Variants in PHLPP1 observed in about 807,000 individuals in gnomAD.
The protein encoded by PHLPP1 is PH domain leucine-rich repeat-containing protein phosphatase 1.
PHLPP1 carries 42 observed loss-of-function variants against 117.2 expected under a neutral mutation model. The observed-to-expected ratio is 0.36, with a 90% confidence interval of 0.28 to 0.46. The LOEUF (loss-of-function observed/expected upper bound fraction) is 0.46. PHLPP1 is among the 20% of genes least tolerant of loss of function. PHLPP1 has a pLI of 1.00. For missense variants in PHLPP1, 2,084 were observed against 2,241.9 expected, an observed-to-expected ratio of 0.93 and a Z score of 1.42; for synonymous variants, 1,042 against 970.7, an observed-to-expected ratio of 1.07 and a Z score of -1.37.
chr18:62,790,004 G>A (rs1427907811), intron 1 of PHLPP1, among the ~76,000 whole-genome samples: 1 of 152,156 alleles, frequency 6.6e-6, no homozygotes, highest in Non-Finnish European at 1.5e-5. Flanking sequence ...TTGTGTGTGA[G>A]GCTAGTGATT....
At chr18:62,731,288 T>G (rs1911220288) in intron 1 of PHLPP1, 1 of 152,208 alleles carries the variant, frequency 6.6e-6, no homozygotes, top group African/African-American at 2.4e-5. Context: ...GCTAATTTTC[T>G]CTGTATCATT....
intron 4 of PHLPP1, among the ~76,000 whole-genome samples, chr18:62,891,664 C>A (rs1198679161): frequency 6.7e-6 from 1 of 148,400 alleles, no homozygotes; most frequent in Non-Finnish European, 1.5e-5. Context: ...CCAAGACAGG[C>A]AGATTGCTTG....
intron 1 of PHLPP1, among the ~76,000 whole-genome samples, chr18:62,782,133 A>G (rs529827152): frequency 3.9e-5 from 6 of 152,312 alleles, no homozygotes; most frequent in African/African-American, 1.4e-4. Flanking sequence ...TGTCTTTGTT[A>G]CATATTTACG....
At chr18:62,810,411 G>T (rs188541430) in intron 1 of PHLPP1, among the ~76,000 whole-genome samples, 1 of 152,166 alleles carries the variant, frequency 6.6e-6, no homozygotes, top group African/African-American at 2.4e-5. Flanking sequence ...TATCTTGGGA[G>T]AATTTGTTCC....
At chr18:62,922,472 T>C (rs915119166) in intron 10 of PHLPP1, among the ~76,000 whole-genome samples, 2 of 152,200 alleles carry the variant, frequency 1.3e-5, no homozygotes, top group Non-Finnish European at 2.9e-5. Flanking sequence ...CAAAGCACAG[T>C]GTGCAGAGAC....
intron 9 of PHLPP1, among the ~76,000 whole-genome samples, chr18:62,915,712 T>C (rs1405962285): frequency 1.3e-5 from 2 of 152,230 alleles, no homozygotes; most frequent in Non-Finnish European, 2.9e-5. Context: ...GTCTATCCAG[T>C]GCTGTCCTGT....
At chr18:62,740,423 A>G (rs1911490450) in intron 1 of PHLPP1, among the ~76,000 whole-genome samples, 1 of 152,204 alleles carries the variant, frequency 6.6e-6, no homozygotes, top group Non-Finnish European at 1.5e-5. Flanking sequence ...CTCATGGATT[A>G]AATCTGTTTA....
intron 15 of PHLPP1, among the ~76,000 whole-genome samples, chr18:62,974,232 A>G (rs1911128301): frequency 1.3e-5 from 2 of 152,174 alleles, no homozygotes; most frequent in Admixed American, 1.3e-4. Context: ...CAAATATCTG[A>G]AAGTTGGAGT....
At chr18:62,948,324 CA>C (rs1206430736) in intron 12 of PHLPP1, among the ~76,000 whole-genome samples, 4 of 144,734 alleles carry the variant, frequency 2.8e-5, no homozygotes, top group East Asian at 4.0e-4. Flanking sequence ...GACTTCATCT[CA>C]AAAAAAAAAG....
At chr18:62,935,111 T>A (rs79119969) in intron 10 of PHLPP1, among the ~76,000 whole-genome samples, 1 of 152,320 alleles carries the variant, frequency 6.6e-6, no homozygotes, top group East Asian at 1.9e-4. Context: ...GCAGTTAACA[T>A]GATAGTATAC....
chr18:62,916,807 G>A (rs1404068889), intron 9 of PHLPP1, among the ~76,000 whole-genome samples: 1 of 113,848 alleles, frequency 8.8e-6, no homozygotes, highest in African/African-American at 3.4e-5. Flanking sequence ...AGGCTGCAAT[G>A]CAGTGGTGCG....
intron 1 of PHLPP1, among the ~76,000 whole-genome samples, chr18:62,720,917 C>T (rs1213066211): frequency 6.6e-6 from 1 of 152,120 alleles, no homozygotes; most frequent in East Asian, 1.9e-4. Context: ...TGGCAATCCT[C>T]TTTTCAGATG....
At chr18:62,968,196 G>T (rs541496749) in intron 14 of PHLPP1, among the ~76,000 whole-genome samples, 43 of 152,258 alleles carry the variant, frequency 2.8e-4, no homozygotes, top group African/African-American at 1.0e-3. Context: ...ATATTCCATG[G>T]TGGATATTAG....
chr18:62,717,504 C>T (rs1201082557), intron 1 of PHLPP1, among the ~76,000 whole-genome samples: 1 of 152,154 alleles, frequency 6.6e-6, no homozygotes, highest in Non-Finnish European at 1.5e-5. Context: ...GTGGCTGAAT[C>T]ACCAGGAAGT....
At chr18:62,874,132 C>T (rs1471020147) in intron 4 of PHLPP1, among the ~76,000 whole-genome samples, 2 of 148,786 alleles carry the variant, frequency 1.3e-5, no homozygotes, top group African/African-American at 5.0e-5. Context: ...TGTGGTGAGC[C>T]GAGATCACGC....
intron 1 of PHLPP1, among the ~76,000 whole-genome samples, chr18:62,825,008 C>T (rs558848179): frequency 2.6e-5 from 4 of 151,458 alleles, no homozygotes; most frequent in African/African-American, 9.7e-5. Flanking sequence ...CTCAGTGCAA[C>T]CTCTGCCTCC....
At chr18:62,824,468 C>T (rs528375211) in intron 1 of PHLPP1, among the ~76,000 whole-genome samples, 2 of 151,948 alleles carry the variant, frequency 1.3e-5, no homozygotes, top group African/African-American at 2.4e-5. Context: ...TGCCTGAGCG[C>T]GGGAGGAACT....
At chr18:62,923,084 A>G (rs922770694) in intron 10 of PHLPP1, among the ~76,000 whole-genome samples, 13 of 152,236 alleles carry the variant, frequency 8.5e-5, no homozygotes, top group Admixed American at 6.5e-4. Context: ...GGACACTGCT[A>G]TCATAAGCTA....
chr18:62,939,907 T>C (rs1213500148), intron 10 of PHLPP1, among the ~76,000 whole-genome samples: 1 of 152,126 alleles, frequency 6.6e-6, no homozygotes, highest in African/African-American at 2.4e-5. Flanking sequence ...TTATTCTTTT[T>C]TTTTTTAACA....
Sources: gnomAD v4.1 joint callset for allele counts (sites outside exome capture counted in the v4.1 genomes callset) on GRCh38, gnomAD v4.1.1 for gene constraint, MANE v1.5 for transcripts, NCBI Gene and HGNC (gene_info 2026-07-23, HGNC 2026-07-21) for gene names.